Variants in UBTD1 observed in about 807,000 individuals in gnomAD.
UBTD1 encodes the protein ubiquitin domain containing 1.
A neutral mutation model predicts 21.7 loss-of-function variants in UBTD1; 19 were observed. The ratio of observed to expected loss-of-function variants is 0.87; its 90% CI spans 0.61 to 1.28. The LOEUF (loss-of-function observed/expected upper bound fraction) is 1.28, where lower values mean the gene tolerates loss of function less well. Among genes scored for constraint, UBTD1 ranks in the 50% most tolerant of loss-of-function variants. The pLI is 0.00. For missense variants in UBTD1, 282 were observed against 315.1 expected, an observed-to-expected ratio of 0.89 and a Z score of 0.80; for synonymous variants, 116 against 135.1, an observed-to-expected ratio of 0.86 and a Z score of 0.98.
Position 97,555,646 on chromosome 10 carries a change from T to G in UBTD1, c.71-12268T>G, listed in dbSNP as rs555447627. The stretch of plus-strand genomic sequence containing the variant: ...TCACATGAAAGGGTTGTGATTGATT[T>G]GAGCAAGCAGGTGGTACGTGACGGG... On this transcript the variant is annotated intron_variant, in intron 1 of 2. Transcript: ENST00000370664. 3.4e-3 allele frequency among the ~76,000 whole-genome samples: 384 copies of G among 111,782 alleles called. 2 individuals carry two copies. Among genetic ancestry groups the G allele is most frequent in the African/African-American group, 0.011 (364 of 32,350 alleles). 73.3% of individuals were successfully genotyped at this position (111,782 alleles called of 152,430 possible).
intron 1 of UBTD1, among the ~76,000 whole-genome samples, chr10:97,524,743 C>G (rs1022738625): frequency 6.6e-6 from 1 of 152,134 alleles, no homozygotes; most frequent in Non-Finnish European, 1.5e-5. Context: ...CTTGTGGTCA[C>G]CTGGGATCCT....
intron 1 of UBTD1, among the ~76,000 whole-genome samples, chr10:97,550,152 G>C (rs1037014396): frequency 6.6e-6 from 1 of 152,130 alleles, no homozygotes; most frequent in East Asian, 1.9e-4. Flanking sequence ...TGTGAGAGCC[G>C]TGTCTCTCAC....
chr10:97,533,570 G>A (rs12779451), intron 1 of UBTD1, among the ~76,000 whole-genome samples: 96,886 of 151,948 alleles, frequency 0.64, 33,534 homozygotes, highest in Non-Finnish European at 0.79. Context: ...CTCCCTCTTC[G>A]CAGCATCCCC....
intron 1 of UBTD1, among the ~76,000 whole-genome samples, chr10:97,530,817 A>G (rs2040525639): frequency 1.3e-5 from 2 of 152,100 alleles, no homozygotes; most frequent in Non-Finnish European, 2.9e-5. Flanking sequence ...GTGATAGGAT[A>G]TAGGTTACTT....
intron 1 of UBTD1, among the ~76,000 whole-genome samples, chr10:97,545,338 C>CAAA (rs71007349): frequency 7.9e-6 from 1 of 126,834 alleles, no homozygotes; most frequent in Non-Finnish European, 1.6e-5. Flanking sequence ...GACTCCGTCT[C>CAAA]AAAAAAAAAA....
chr10:97,503,174 C>T (rs1046608542), intron 1 of UBTD1, among the ~76,000 whole-genome samples: 8 of 152,252 alleles, frequency 5.3e-5, no homozygotes, highest in East Asian at 1.9e-4. Flanking sequence ...TCTTGGCTTC[C>T]GAAAGTGCTG....
chr10:97,519,740 A>C (rs1481207642), intron 1 of UBTD1, among the ~76,000 whole-genome samples: 3 of 152,230 alleles, frequency 2.0e-5, no homozygotes, highest in African/African-American at 7.2e-5. Flanking sequence ...AGGAATTCTC[A>C]AGTGAGGCAT....
intron 2 of UBTD1, among the ~76,000 whole-genome samples, chr10:97,569,050 C>T (rs904475193): frequency 9.9e-5 from 15 of 152,186 alleles, no homozygotes; most frequent in Admixed American, 6.5e-4. Flanking sequence ...CTCAAACTTC[C>T]AACTGCAGGT....
chr10:97,559,343 A>G (rs1168015264), intron 1 of UBTD1, among the ~76,000 whole-genome samples: 1 of 152,244 alleles, frequency 6.6e-6, no homozygotes, highest in African/African-American at 2.4e-5. Context: ...CAAGCATAAC[A>G]ATTGCATTTG....
intron 1 of UBTD1, among the ~76,000 whole-genome samples, chr10:97,561,822 C>G (rs2040694154): frequency 6.6e-6 from 1 of 152,170 alleles, no homozygotes; most frequent in Admixed American, 6.5e-5. Flanking sequence ...CATCATTTGT[C>G]ACACATAGTC....
Position 97,499,177 on chromosome 10 carries a change from T to C in UBTD1, c.-27T>C. On this transcript the variant is annotated 5_prime_UTR_variant, in exon 1 of 3. Transcript: ENST00000370664. ...CAGCCGACCACCCCGCCGCCTCCGG[T>C]GCATGGGGACTGGCTGAGGAGCCAG... 6.6e-7 allele frequency: 1 copy of C among 1,526,492 alleles called. No individual in the cohort carries two copies. Among genetic ancestry groups the C allele is most frequent in the South Asian group, 1.2e-5 (1 of 81,468 alleles). The allele number at this position is 1,526,492 out of a possible 1,614,324, so 94.6% of individuals were successfully genotyped here. A position where few individuals can be genotyped will look rare whatever the true frequency, so the allele number is the denominator to read the frequency against.
intron 1 of UBTD1, among the ~76,000 whole-genome samples, chr10:97,520,384 G>A (rs534221567): frequency 1.3e-5 from 2 of 152,176 alleles, no homozygotes; most frequent in Non-Finnish European, 2.9e-5. Context: ...GATGAGCATT[G>A]AGTTTCTCCA....
chr10:97,555,589 A>G (rs372146938), intron 1 of UBTD1, among the ~76,000 whole-genome samples: 1 of 152,176 alleles, frequency 6.6e-6, no homozygotes, highest in Non-Finnish European at 1.5e-5. Flanking sequence ...CACAATTTCT[A>G]TCCCTTTTAA....
chr10:97,519,127 G>T (rs950586946), intron 1 of UBTD1, among the ~76,000 whole-genome samples: 2 of 152,188 alleles, frequency 1.3e-5, no homozygotes, highest in Non-Finnish European at 2.9e-5. Flanking sequence ...TCAAGTTTTC[G>T]TTTTCTCTAG....
chr10:97,534,786 G>A (rs2040552177), intron 1 of UBTD1, among the ~76,000 whole-genome samples: 1 of 152,096 alleles, frequency 6.6e-6, no homozygotes, highest in African/African-American at 2.4e-5. Flanking sequence ...CTGCCAGTTT[G>A]CTTGGGAGGC....
At chr10:97,533,021 G>A (rs2040540658) in intron 1 of UBTD1, among the ~76,000 whole-genome samples, 1 of 152,198 alleles carries the variant, frequency 6.6e-6, no homozygotes, top group African/African-American at 2.4e-5. Context: ...TTTCCCAGCT[G>A]GAAAGCTCTG....
Position 97,499,192 on chromosome 10 carries a change from T to C in UBTD1, c.-12T>C. 1 of 1,539,072 alleles carries C rather than the reference T, an allele frequency of 6.5e-7. No homozygotes were observed. The highest frequency in any genetic ancestry group is 1.2e-5 in the South Asian group (1 of 82,462). On this transcript the variant is annotated 5_prime_UTR_variant, in exon 1 of 3. An upstream open reading frame in the 5' UTR loses its in-frame stop. Transcript: ENST00000370664. ...CCGCCTCCGGTGCATGGGGACTGGCTGAGGAGCCAGCATGGGCAACTGCGT... is the reference window on the plus strand; with the variant it reads ...CCGCCTCCGGTGCATGGGGACTGGCCGAGGAGCCAGCATGGGCAACTGCGT...
intron 1 of UBTD1, among the ~76,000 whole-genome samples, chr10:97,546,686 C>T (rs532342362): frequency 1.3e-5 from 2 of 151,550 alleles, no homozygotes; most frequent in African/African-American, 2.4e-5. Flanking sequence ...CTCTTAGATT[C>T]TGTTCCTCTC....
intron 1 of UBTD1, among the ~76,000 whole-genome samples, chr10:97,541,313 C>CA (rs1469568964): frequency 1.3e-5 from 2 of 151,944 alleles, no homozygotes; most frequent in African/African-American, 4.8e-5. Context: ...CTCATCTCTA[C>CA]AAAAAATCTA....
Sources: gnomAD v4.1 joint callset for allele counts (sites outside exome capture counted in the v4.1 genomes callset) on GRCh38, gnomAD v4.1.1 for gene constraint, MANE v1.5 for transcripts, NCBI Gene and HGNC (gene_info 2026-07-23, HGNC 2026-07-21) for gene names.